WDR7: variants seen among roughly 807,000 people sequenced by gnomAD.
The protein encoded by WDR7 is WD repeat-containing protein 7.
In WDR7, 46 loss-of-function variants were observed where a neutral mutation model predicts 169.4. That is an observed-to-expected ratio of 0.27 (90% confidence interval 0.21 to 0.35). The LOEUF is 0.35. Ranked by LOEUF, WDR7 falls within the 10% of genes least tolerant of loss-of-function variation. The probability of loss-of-function intolerance (pLI) is 1.00; values close to 1 mark genes in which losing one functional copy is unlikely to be tolerated. For missense variants in WDR7, 1,534 were observed against 1,859.3 expected (o/e 0.83, Z 3.22); for synonymous variants, 612 against 666.8 (o/e 0.92, Z 1.27).
intron 25 of WDR7, among the ~76,000 whole-genome samples, chr18:56,940,838 T>C (rs1163850565): frequency 1.3e-5 from 2 of 152,168 alleles, no homozygotes; most frequent in Non-Finnish European, 2.9e-5. Context: ...TTAAAGGATC[T>C]GTTTTTCCCC....
At chr18:56,682,528 A>G (rs1039696498) in intron 4 of WDR7, 151 bp from the exon 5 acceptor site, 5 of 785,628 alleles carry the variant, frequency 6.4e-6, no homozygotes, top group South Asian at 3.8e-5. Context: ...CACCCATATA[A>G]TATGTACCAT....
At chr18:56,759,302 A>G (rs1204851370) in intron 16 of WDR7, among the ~76,000 whole-genome samples, 1 of 152,182 alleles carries the variant, frequency 6.6e-6, no homozygotes, top group Non-Finnish European at 1.5e-5. Flanking sequence ...GCTTAAGTTC[A>G]TAGTTCCATA....
At chr18:56,770,784 G>A (rs2044142324) in intron 16 of WDR7, among the ~76,000 whole-genome samples, 1 of 151,830 alleles carries the variant, frequency 6.6e-6, no homozygotes, top group South Asian at 2.1e-4. Flanking sequence ...CTTTTATGGT[G>A]TTTTAAGGAT....
chr18:56,960,509 C>T (rs1011176323), intron 25 of WDR7, among the ~76,000 whole-genome samples: 4 of 152,100 alleles, frequency 2.6e-5, no homozygotes, highest in Non-Finnish European at 4.4e-5. Flanking sequence ...TATTAACCTG[C>T]ACAGAATAAA....
intron 12 of WDR7, among the ~76,000 whole-genome samples, chr18:56,706,412 A>G (rs1490269066): frequency 6.6e-6 from 1 of 152,220 alleles, no homozygotes; most frequent in Non-Finnish European, 1.5e-5. Flanking sequence ...CAGCCTTTAG[A>G]ACCAAACAGA....
chr18:56,993,331 A>G (rs1047528690), intron 26 of WDR7, among the ~76,000 whole-genome samples: 2 of 152,202 alleles, frequency 1.3e-5, no homozygotes, highest in African/African-American at 4.8e-5. Flanking sequence ...AATTTGGCAT[A>G]TGGATGCCAA....
chr18:56,902,728 A>G (rs1373526346), intron 21 of WDR7, among the ~76,000 whole-genome samples: 1 of 152,198 alleles, frequency 6.6e-6, no homozygotes, highest in African/African-American at 2.4e-5. Flanking sequence ...AAAGCAAATT[A>G]TATAAACCAG....
chr18:56,902,895 T>A (rs2046422199), intron 21 of WDR7, among the ~76,000 whole-genome samples: 1 of 152,200 alleles, frequency 6.6e-6, no homozygotes, highest in African/African-American at 2.4e-5. Flanking sequence ...TTAACAGATT[T>A]TTTCATTCTC....
intron 19 of WDR7, among the ~76,000 whole-genome samples, chr18:56,791,482 G>A (rs549255669): frequency 1.2e-4 from 18 of 152,206 alleles, no homozygotes; most frequent in African/African-American, 4.3e-4. Context: ...TGGCTACTAT[G>A]TCTTAGGTTC....
At position 56,760,672 on chromosome 18, in the gene WDR7, G is replaced by A. The variant is rs987293910; in HGVS notation, c.2848+1719G>A. On this transcript the variant is annotated intron_variant, in intron 16 of 27. Transcript: ENST00000254442. ...TTTAAACTTAGTGCATATTATAAGC[G>A]TTTCTGTTTTGTATATAACTAAAAG... Among the ~76,000 whole-genome samples, 6 of 152,054 alleles carry A rather than the reference G, an allele frequency of 3.9e-5. 1 individual carries two copies. The highest frequency in any genetic ancestry group is 2.1e-4 in the South Asian group (1 of 4,826).
At chr18:56,821,981 A>G (rs956121322) in intron 20 of WDR7, among the ~76,000 whole-genome samples, 3 of 152,162 alleles carry the variant, frequency 2.0e-5, no homozygotes, top group Non-Finnish European at 4.4e-5. Flanking sequence ...ACTGGGTGAC[A>G]GAACAAGACT....
At chr18:56,923,111 AAAAC>A (rs1364121437) in intron 21 of WDR7, among the ~76,000 whole-genome samples, 1 of 152,208 alleles carries the variant, frequency 6.6e-6, no homozygotes, top group Non-Finnish European at 1.5e-5. Context: ...TCCCCTCAAA[AAAAC>A]AAACAAACAA....
At position 56,672,566 on chromosome 18, in the gene WDR7, G is replaced by C; in HGVS notation, c.51G>C (p.Ala17=). Residue 17 remains alanine, a synonymous_variant, in exon 2 of 28, where the codon GCG becomes GCC. Coordinates refer to ENST00000254442, the MANE Select transcript of WDR7 (RefSeq NM_015285.3). ...CCATTGTTCTTTGGGGTCGAAAAGC[G>C]CCCACACATTGCATCTCAGCCGTAC... ...VLPIVLWGRK[A]PTHCISAVLL... 2 of 1,612,608 alleles carry C rather than the reference G, an allele frequency of 1.2e-6. No individual in the cohort carries two copies. Among genetic ancestry groups the C allele is most frequent in the Non-Finnish European group, 1.7e-6 (2 of 1,179,216 alleles).
At chr18:56,752,222 G>A (rs72914678) in intron 14 of WDR7, among the ~76,000 whole-genome samples, 13,332 of 152,114 alleles carry the variant, frequency 0.088, 697 homozygotes, top group East Asian at 0.19. Context: ...AGTGGCTCCC[G>A]AGCCTGCAGG....
chr18:56,697,565 A>G (rs1019530673), intron 12 of WDR7, among the ~76,000 whole-genome samples: 3 of 151,938 alleles, frequency 2.0e-5, no homozygotes, highest in African/African-American at 7.2e-5. Context: ...ACTGCTATGT[A>G]TTTAACCAAT....
At chr18:56,910,655 A>G (rs141076322) in intron 21 of WDR7, among the ~76,000 whole-genome samples, 297 of 152,350 alleles carry the variant, frequency 1.9e-3, no homozygotes, top group African/African-American at 6.8e-3. Context: ...TTATAAAGCA[A>G]GCTTCTCTAA....
At chr18:56,870,148 C>A (rs2045933863) in intron 20 of WDR7, among the ~76,000 whole-genome samples, 1 of 152,042 alleles carries the variant, frequency 6.6e-6, no homozygotes, top group South Asian at 2.1e-4. Flanking sequence ...ATTTTAAGTT[C>A]TTTTAAAGCC....
intron 20 of WDR7, among the ~76,000 whole-genome samples, chr18:56,831,123 T>C (rs2045301094): frequency 1.3e-5 from 2 of 152,146 alleles, no homozygotes; most frequent in African/African-American, 4.8e-5. Context: ...CTGAGCATCT[T>C]TGAACTTCAA....
At chr18:56,972,935 C>T (rs1289735982) in intron 26 of WDR7, among the ~76,000 whole-genome samples, 1 of 152,178 alleles carries the variant, frequency 6.6e-6, no homozygotes, top group Non-Finnish European at 1.5e-5. Context: ...GCAATCTCGG[C>T]TCACTGCAAC....
Sources: allele counts gnomAD v4.1 joint callset (sites outside exome capture counted in the v4.1 genomes callset), GRCh38; gene constraint gnomAD v4.1.1; transcripts MANE v1.5; gene names NCBI Gene and HGNC (gene_info 2026-07-23, HGNC 2026-07-21).